Variants in NBEA observed in about 807,000 individuals in gnomAD.
NBEA encodes the protein neurobeachin, also known as lysosomal-trafficking regulator 2.
A neutral mutation model predicts 343.4 loss-of-function variants in NBEA; 44 were observed. That is an observed-to-expected ratio of 0.13 (90% CI 0.10 to 0.16). The LOEUF is 0.16. NBEA is among the 10% of genes least tolerant of loss of function. NBEA has a pLI of 1.00. For synonymous variants in NBEA, 1,175 were observed against 1,238.7 expected (o/e 0.95, Z 1.08); for missense variants, 2,555 against 3,631.3 (o/e 0.70, Z 7.62).
intron 41 of NBEA, among the ~76,000 whole-genome samples, chr13:35,536,778 G>T (rs1305544500): frequency 1.3e-5 from 2 of 152,164 alleles, no homozygotes; most frequent in Non-Finnish European, 2.9e-5. Flanking sequence ...TTTACTCAGT[G>T]ATCCTTGGTT....
chr13:35,075,659 T>C (rs1272399468), intron 10 of NBEA, among the ~76,000 whole-genome samples: 4 of 151,706 alleles, frequency 2.6e-5, no homozygotes, highest in Admixed American at 6.6e-5. Flanking sequence ...TGAACTTAAA[T>C]CACAATTTAT....
intron 49 of NBEA, among the ~76,000 whole-genome samples, chr13:35,633,965 G>A (rs923678115): frequency 2.6e-5 from 4 of 152,022 alleles, no homozygotes; most frequent in Non-Finnish European, 5.9e-5. Context: ...TGGCCTAATT[G>A]CAGCCCACTT....
intron 40 of NBEA, among the ~76,000 whole-genome samples, chr13:35,471,108 C>T (rs2075623604): frequency 6.6e-6 from 1 of 152,206 alleles, no homozygotes; most frequent in Non-Finnish European, 1.5e-5. Context: ...AAAGCTGACA[C>T]TGTCACAGTT....
At chr13:35,208,877 T>C in intron 32 of NBEA, 23 bp downstream of exon 32, 2 of 1,474,678 alleles carry the variant, frequency 1.4e-6, no homozygotes, top group South Asian at 1.4e-5. Context: ...CATATTTTTG[T>C]GATACTCATC....
Position 35,069,998 on chromosome 13 carries a change from G to A in NBEA, c.1330G>A (p.Ala444Thr), listed in dbSNP as rs745802283. The A allele has an allele frequency of 1.9e-6, 3 of 1,606,474 alleles. No individual in the cohort carries two copies. The highest frequency in any genetic ancestry group is 2.2e-5 in the East Asian group (1 of 44,642). The part of the protein sequence containing the change: ...LYDGKLASSI[A>T]FTYNAKATDA... ...TGATGGGAAACTTGCAAGTAGCATTGCCTTTACATATAATGCTAAGGCCAC... is the reference window on the plus strand; with the variant it reads ...TGATGGGAAACTTGCAAGTAGCATTACCTTTACATATAATGCTAAGGCCAC... The change falls in exon 9 of 59, where the codon GCC becomes ACC. Residue 444 changes from alanine to threonine, a missense_variant. Physicochemically the swap from Ala to Thr is moderately conservative, Grantham distance 58. This residue lies in a region of NBEA where 75 missense variants were observed against 237.4 expected (regional missense o/e 0.32). Transcript: ENST00000379939.
chr13:35,311,084 A>G (rs1424493966), intron 36 of NBEA, among the ~76,000 whole-genome samples: 1 of 152,156 alleles, frequency 6.6e-6, no homozygotes, highest in Admixed American at 6.5e-5. Flanking sequence ...TGCAACACCA[A>G]AGTTGCAGGA....
At chr13:35,078,504 A>G (rs1462946246) in intron 10 of NBEA, among the ~76,000 whole-genome samples, 5 of 152,166 alleles carry the variant, frequency 3.3e-5, no homozygotes, top group Non-Finnish European at 5.9e-5. Flanking sequence ...TTCTGGTCAA[A>G]TGAGATGAAT....
chr13:34,971,680 A>G (rs1187369702), intron 1 of NBEA, among the ~76,000 whole-genome samples: 1 of 152,028 alleles, frequency 6.6e-6, no homozygotes, highest in Admixed American at 6.6e-5. Flanking sequence ...TGTTGAGCCA[A>G]CCTTGTATCC....
At chr13:35,240,983 G>A (rs144742828) in intron 34 of NBEA, among the ~76,000 whole-genome samples, 79 of 151,726 alleles carry the variant, frequency 5.2e-4, no homozygotes, top group East Asian at 4.1e-3. Context: ...CTTGAATGAC[G>A]TTAAAGACCT....
chr13:35,583,163 T>C (rs954216486), intron 45 of NBEA, among the ~76,000 whole-genome samples: 1 of 152,186 alleles, frequency 6.6e-6, no homozygotes, highest in African/African-American at 2.4e-5. Flanking sequence ...ATGCTGGAAA[T>C]TCCTAATGAT....
At chr13:35,457,251 T>G (rs1333430257) in intron 40 of NBEA, among the ~76,000 whole-genome samples, 1 of 151,802 alleles carries the variant, frequency 6.6e-6, no homozygotes, top group Non-Finnish European at 1.5e-5. Context: ...GTGTTAGCAT[T>G]TTTTTTTGGA....
At chr13:35,451,488 C>A (rs78130635) in intron 39 of NBEA, among the ~76,000 whole-genome samples, 4 of 152,208 alleles carry the variant, frequency 2.6e-5, no homozygotes, top group African/African-American at 9.6e-5. Context: ...ATTTATTTCA[C>A]TAATTGCTAA....
intron 38 of NBEA, among the ~76,000 whole-genome samples, chr13:35,410,791 A>T (rs2043536057): frequency 6.6e-6 from 1 of 152,178 alleles, no homozygotes; most frequent in Non-Finnish European, 1.5e-5. Context: ...CCAAATCAAG[A>T]CTGCATGATG....
chr13:35,404,278 A>T (rs1218506613), intron 38 of NBEA, among the ~76,000 whole-genome samples: 3 of 152,038 alleles, frequency 2.0e-5, no homozygotes, highest in Non-Finnish European at 2.9e-5. Context: ...ACTATAAATC[A>T]TGTTGCTATA....
intron 18 of NBEA, among the ~76,000 whole-genome samples, chr13:35,145,791 A>T (rs184876275): frequency 3.9e-5 from 6 of 152,288 alleles, no homozygotes; most frequent in Admixed American, 3.9e-4. Context: ...GCACTTTAGG[A>T]TGTAAGGGAA....
intron 1 of NBEA, among the ~76,000 whole-genome samples, chr13:35,018,892 C>G (rs1156894561): frequency 6.6e-6 from 1 of 152,044 alleles, no homozygotes; most frequent in African/African-American, 2.4e-5. Flanking sequence ...TTATAGATGC[C>G]TTTTATGAAT....
At chr13:35,234,468 A>T (rs1401294471) in intron 34 of NBEA, among the ~76,000 whole-genome samples, 2 of 152,190 alleles carry the variant, frequency 1.3e-5, no homozygotes, top group East Asian at 3.8e-4. Context: ...AATATTCCTC[A>T]TGGAGTTTGC....
chr13:35,424,237 A>T (rs1489732107), intron 38 of NBEA, among the ~76,000 whole-genome samples: 1 of 152,136 alleles, frequency 6.6e-6, no homozygotes, highest in Non-Finnish European at 1.5e-5. Context: ...CAGTTTTCAA[A>T]GGGAATGCTT....
chr13:35,077,050 C>A (rs532102420), intron 10 of NBEA, among the ~76,000 whole-genome samples: 22 of 151,982 alleles, frequency 1.4e-4, no homozygotes, highest in Non-Finnish European at 2.9e-4. Flanking sequence ...AGTGTTTAAA[C>A]CCTCTTCTTT....
Sources: gnomAD v4.1 joint callset for allele counts (sites outside exome capture counted in the v4.1 genomes callset) on GRCh38, gnomAD v4.1.1 for gene constraint, gnomAD v4.1.1 regional missense constraint, MANE v1.5 for transcripts, NCBI Gene and HGNC (gene_info 2026-07-23, HGNC 2026-07-21) for gene names.